KIAA0319L: variants seen among roughly 807,000 people sequenced by gnomAD.
KIAA0319L encodes KIAA0319 like, also known as dyslexia-associated protein KIAA0319-like protein.
KIAA0319L carries 55 observed loss-of-function variants against 120.1 expected under a neutral mutation model. That is an observed-to-expected ratio of 0.46 (90% CI 0.37 to 0.57). The LOEUF is 0.57. Ranked by LOEUF, KIAA0319L falls within the 20% of genes least tolerant of loss-of-function variation. The probability of loss-of-function intolerance (pLI) is 0.00; values close to 1 mark genes in which losing one functional copy is unlikely to be tolerated. For synonymous variants in KIAA0319L, 398 were observed against 471.9 expected, an observed-to-expected ratio of 0.84 and a Z score of 2.03; for missense variants, 1,049 against 1,255.3, an observed-to-expected ratio of 0.84 and a Z score of 2.48.
intron 3 of KIAA0319L, among the ~76,000 whole-genome samples, chr1:35,483,193 CCTTT>C (rs1261634492): frequency 7.2e-5 from 11 of 152,090 alleles, no homozygotes; most frequent in African/African-American, 1.9e-4. Flanking sequence ...TCTGTATCTT[CCTTT>C]TTCGTTTTGT....
chr1:35,456,497 T>C (rs529295857), intron 9 of KIAA0319L, among the ~76,000 whole-genome samples: 40 of 152,284 alleles, frequency 2.6e-4, no homozygotes, highest in African/African-American at 8.9e-4. Flanking sequence ...ATCCTCATTT[T>C]ACTCCTCACA....
Position 35,506,313 on chromosome 1 carries a change from G to A in KIAA0319L, c.666+299C>T, listed in dbSNP as rs1003619455. Among the ~76,000 whole-genome samples, 1 of 152,198 alleles carries A rather than the reference G, an allele frequency of 6.6e-6. No individual in the cohort carries two copies. The highest frequency in any genetic ancestry group is 2.4e-5 in the African/African-American group (1 of 41,450). ...CAGAAAATACTGCAGAATGGTTGGT[G>A]AATACTAACAGCCATACAACTGTAC... On this transcript the variant is annotated intron_variant, in intron 3 of 20. Transcript: ENST00000325722. The surrounding 1 kb of genome is among the most constrained non-coding windows in gnomAD (Gnocchi z 4.0).
rs141395302 is a variant in KIAA0319L at position 35,441,087 on chromosome 1, C to T, written c.2922G>A (p.Thr974=). ...GCTTCAGCTCCAGGCTTTCCTGATC[C>T]GTGGCATCCAGGATCTTGTACTTGC... is the stretch of plus-strand genomic sequence containing the variant. The part of the protein sequence containing the change: ...RKSKYKILDA[T]DQESLELKPT... Residue 974 remains threonine, a synonymous_variant, in exon 20 of 21, where the codon ACG becomes ACA. Coordinates refer to ENST00000325722, the MANE Select transcript of KIAA0319L (RefSeq NM_024874.5). 1.5e-3 allele frequency: 2,416 copies of T among 1,614,146 alleles called. 33 individuals are homozygous for T. The African/African-American group carries it at 0.021, about 14-fold the overall frequency.
intron 3 of KIAA0319L, among the ~76,000 whole-genome samples, chr1:35,496,672 A>G (rs1440608673): frequency 6.6e-6 from 1 of 151,940 alleles, no homozygotes; most frequent in Non-Finnish European, 1.5e-5. Context: ...TGCTGGGTAC[A>G]GTGGCTCATG....
Position 35,450,449 on chromosome 1 carries a change from C to T in KIAA0319L, c.2123G>A (p.Ser708Asn). Residue 708 changes from serine (S) to asparagine (N), a missense_variant, in exon 14 of 21, where the codon AGC becomes AAC. By Grantham distance (46) the Ser-to-Asn change is conservative. Transcript: ENST00000325722. ...TGNVVITLPT[S>N]TAELDGSKSS... ...CTTAGAGCCATCCAGCTCTGCTGTG[C>T]TCGTGGGTAGGGTAATCACCACATT... 1 of 1,614,120 alleles carries T rather than the reference C, an allele frequency of 6.2e-7. No individual in the cohort carries two copies. The highest frequency in any genetic ancestry group is 8.5e-7 in the Non-Finnish European group (1 of 1,179,934).
chr1:35,501,852 T>C (rs1228723457), intron 3 of KIAA0319L, among the ~76,000 whole-genome samples: 1 of 135,626 alleles, frequency 7.4e-6, no homozygotes, highest in Non-Finnish European at 1.5e-5. Flanking sequence ...CACTCTAGCC[T>C]GGGCAATAAG....
intron 2 of KIAA0319L, among the ~76,000 whole-genome samples, chr1:35,521,828 C>A (rs1414388176): frequency 2.0e-5 from 3 of 149,210 alleles, no homozygotes; most frequent in Non-Finnish European, 4.5e-5. Context: ...AAAAAATTAG[C>A]CGGTCATGGT....
chr1:35,545,433 A>G (rs12408030), intron 2 of KIAA0319L, among the ~76,000 whole-genome samples: 26,668 of 152,154 alleles, frequency 0.18, 3,018 homozygotes, highest in Non-Finnish European at 0.26. Flanking sequence ...AGATGCATAG[A>G]TATTATGAGA....
intron 13 of KIAA0319L, 40 bp downstream of exon 13, chr1:35,451,587 AC>A: frequency 6.3e-7 from 1 of 1,589,350 alleles, no homozygotes; most frequent in Non-Finnish European, 8.6e-7. Flanking sequence ...CAGCTATCTG[AC>A]CCTAAGAGGC....
At chr1:35,504,903 C>T (rs1338328172) in intron 3 of KIAA0319L, among the ~76,000 whole-genome samples, 2 of 152,214 alleles carry the variant, frequency 1.3e-5, no homozygotes, top group Non-Finnish European at 2.9e-5. Context: ...TGCCCAGCAA[C>T]ACCAGTCTCT....
intron 3 of KIAA0319L, among the ~76,000 whole-genome samples, chr1:35,504,880 C>A (rs1645152083): frequency 6.6e-6 from 1 of 152,200 alleles, no homozygotes; most frequent in Non-Finnish European, 1.5e-5. Flanking sequence ...ACCACCAGCT[C>A]TCTTTCTCCG....
At chr1:35,554,312 T>C in intron 2 of KIAA0319L, 38 bp downstream of exon 2, 4 of 1,175,598 alleles carry the variant, frequency 3.4e-6, no homozygotes, top group Non-Finnish European at 4.6e-6. Context: ...TGCCCTTTTC[T>C]AAAAAAAAAA....
In KIAA0319L at chr1:35,470,858, T is replaced by A. The variant is rs368966545; in HGVS notation, c.1113+5A>T. On this transcript the variant is annotated splice_donor_5th_base_variant and intron_variant, in intron 6 of 20. Transcript: ENST00000325722. ...TGCCCTGCAAGTGAAAGGAGGCAAA[T>A]TCACCTTCGATAGTTTGAGGATCTG... 81 of 1,593,666 alleles carry A rather than the reference T, an allele frequency of 5.1e-5. No individual in the cohort carries two copies. In the African/African-American group the frequency reaches 9.4e-4, roughly 18 times the overall value.
At chr1:35,504,396 C>T (rs1354714198) in intron 3 of KIAA0319L, among the ~76,000 whole-genome samples, 5 of 152,120 alleles carry the variant, frequency 3.3e-5, no homozygotes, top group African/African-American at 1.2e-4. Flanking sequence ...CAAGGTTTCA[C>T]CGTGTTATCC....
Position 35,453,448 on chromosome 1 carries a change from C to T in KIAA0319L, c.1913+109G>A. The T allele has an allele frequency of 1.1e-6, 1 of 909,916 alleles. No individual in the cohort carries two copies. The highest frequency in any genetic ancestry group is 1.7e-6 in the Non-Finnish European group (1 of 596,056). 56.4% of individuals were successfully genotyped at this position (909,916 alleles called of 1,614,324 possible). On this transcript the variant is annotated intron_variant, in intron 12 of 20. Transcript: ENST00000325722. The surrounding 1 kb of genome is among the most constrained non-coding windows in gnomAD (Gnocchi z 4.1). Reference sequence around the variant, plus strand: ...TTGCAAACATTTCTTCCTCAGTCACCCCACTGGATAAGCCAATAAGAGCAA... The same window carrying T: ...TTGCAAACATTTCTTCCTCAGTCACTCCACTGGATAAGCCAATAAGAGCAA...
intron 2 of KIAA0319L, among the ~76,000 whole-genome samples, chr1:35,538,590 CAA>C (rs757522421): frequency 0.035 from 1,097 of 31,784 alleles, 9 homozygotes; most frequent in African/African-American, 0.07. Flanking sequence ...AACTCTGTCT[CAA>C]AAAAAAAAAA....
At chr1:35,509,410 G>T (rs543213150) in intron 2 of KIAA0319L, among the ~76,000 whole-genome samples, 3 of 152,172 alleles carry the variant, frequency 2.0e-5, no homozygotes, top group African/African-American at 7.2e-5. Context: ...AGGGACATTC[G>T]TAATTTTAAA....
At chr1:35,447,237 T>C (rs56228819) in intron 16 of KIAA0319L, among the ~76,000 whole-genome samples, 1 of 138,024 alleles carries the variant, frequency 7.2e-6, no homozygotes, top group Non-Finnish European at 1.6e-5. Context: ...GATCTTTCTT[T>C]AAAAAAAAAA....
chr1:35,451,496 T>C (rs994144385), intron 13 of KIAA0319L, 132 bp downstream of exon 13: 4 of 789,276 alleles, frequency 5.1e-6, no homozygotes, highest in African/African-American at 3.5e-5. Flanking sequence ...AAAATAACAA[T>C]TGCCCTCACC....
Sources: allele counts gnomAD v4.1 joint callset (sites outside exome capture counted in the v4.1 genomes callset), GRCh38; gene constraint gnomAD v4.1.1; non-coding constraint Gnocchi (gnomAD v3.1); transcripts MANE v1.5; gene names NCBI Gene and HGNC (gene_info 2026-07-23, HGNC 2026-07-21).